Variants in NELL2 observed in about 807,000 individuals in gnomAD.
NELL2 encodes the protein neural EGFL like 2, also known as protein kinase C-binding protein NELL2.
A neutral mutation model predicts 109.6 loss-of-function variants in NELL2; 41 were observed. That is an observed-to-expected ratio of 0.37 (90% confidence interval 0.29 to 0.49). The LOEUF (loss-of-function observed/expected upper bound fraction) is 0.49, where lower values mean the gene tolerates loss of function less well. Among genes scored for constraint, NELL2 ranks in the 20% least tolerant of loss-of-function variants. NELL2 has a pLI of 0.98. For synonymous variants in NELL2, 355 were observed against 344.7 expected, an observed-to-expected ratio of 1.03 and a Z score of -0.33; for missense variants, 900 against 1,008.3, an observed-to-expected ratio of 0.89 and a Z score of 1.45.
At chr12:44,839,239 C>T (rs966063007) in intron 2 of NELL2, among the ~76,000 whole-genome samples, 3 of 151,820 alleles carry the variant, frequency 2.0e-5, no homozygotes, top group Non-Finnish European at 2.9e-5. Flanking sequence ...CCTTGGCAAC[C>T]GCAAAGAAAA....
At chr12:44,784,903 T>C (rs559917423) in intron 3 of NELL2, among the ~76,000 whole-genome samples, 98 of 152,290 alleles carry the variant, frequency 6.4e-4, no homozygotes, top group African/African-American at 2.3e-3. Flanking sequence ...GAACTATTTA[T>C]GACAAACCCA....
chr12:44,914,349 C>T (rs76261677), upstream of NELL2, among the ~76,000 whole-genome samples: 1,870 of 152,246 alleles, frequency 0.012, 33 homozygotes, highest in East Asian at 0.048. Flanking sequence ...AGCAGCCAGA[C>T]CTTTACAGTT....
At chr12:44,829,160 A>G (rs1943807802) in intron 2 of NELL2, among the ~76,000 whole-genome samples, 1 of 152,142 alleles carries the variant, frequency 6.6e-6, no homozygotes, top group African/African-American at 2.4e-5. Flanking sequence ...ATAAGATCAC[A>G]TATTCAAAAA....
At chr12:44,851,385 A>C (rs1229666449) in intron 2 of NELL2, among the ~76,000 whole-genome samples, 1 of 152,214 alleles carries the variant, frequency 6.6e-6, no homozygotes, top group Non-Finnish European at 1.5e-5. Flanking sequence ...TTCCTTTCAG[A>C]ATAATGAAAT....
chr12:44,812,047 T>C (rs760203248), intron 3 of NELL2, among the ~76,000 whole-genome samples: 2 of 152,130 alleles, frequency 1.3e-5, no homozygotes, highest in Non-Finnish European at 2.9e-5. Flanking sequence ...GTTCTTACTA[T>C]GGTGAACTAG....
chr12:44,541,250 CAAAAA>C (rs3071951), intron 15 of NELL2, among the ~76,000 whole-genome samples: 1 of 78,904 alleles, frequency 1.3e-5, no homozygotes, highest in Admixed American at 1.7e-4. Flanking sequence ...GACTCCATCT[CAAAAA>C]AAAAAAAAAA....
upstream of NELL2, among the ~76,000 whole-genome samples, chr12:44,877,893 AT>A (rs1945365724): frequency 6.6e-6 from 1 of 152,220 alleles, no homozygotes; most frequent in African/African-American, 2.4e-5. Flanking sequence ...CAAATAAATA[AT>A]ACAATTTAAT....
chr12:44,649,579 C>G (rs909885994), intron 13 of NELL2, among the ~76,000 whole-genome samples: 1 of 152,146 alleles, frequency 6.6e-6, no homozygotes, highest in Non-Finnish European at 1.5e-5. Flanking sequence ...ACAATTGCCC[C>G]ATCCTGAGAA....
chr12:44,656,913 G>A (rs1325953137), intron 13 of NELL2, among the ~76,000 whole-genome samples: 9 of 152,020 alleles, frequency 5.9e-5, no homozygotes, highest in Non-Finnish European at 1.2e-4. Context: ...CAAATTTTTG[G>A]GGAAGAAGAA....
chr12:44,711,559 T>C (rs893722321), intron 10 of NELL2, among the ~76,000 whole-genome samples, 165 bp from the exon 11 acceptor site: 1 of 152,086 alleles, frequency 6.6e-6, no homozygotes, highest in African/African-American at 2.4e-5. Flanking sequence ...TAAATCCCAA[T>C]TGGAAAGTCT....
intron 12 of NELL2, among the ~76,000 whole-genome samples, chr12:44,684,548 G>T (rs1056548832): frequency 2.0e-5 from 3 of 151,880 alleles, no homozygotes; most frequent in Non-Finnish European, 2.9e-5. Flanking sequence ...TTCTCTTGTG[G>T]GCAATTAGTG....
intron 12 of NELL2, among the ~76,000 whole-genome samples, chr12:44,686,762 G>C (rs1948731393): frequency 6.6e-6 from 1 of 152,238 alleles, no homozygotes; most frequent in South Asian, 2.1e-4. Context: ...TGAGGAGGCA[G>C]TCTGTCCGTT....
At chr12:44,874,380 C>G (rs1435927757) in intron 2 of NELL2, among the ~76,000 whole-genome samples, 1 of 152,132 alleles carries the variant, frequency 6.6e-6, no homozygotes, top group Non-Finnish European at 1.5e-5. Flanking sequence ...TGTCTGTACA[C>G]GTTTAGCTAC....
intron 9 of NELL2, among the ~76,000 whole-genome samples, chr12:44,762,648 T>C (rs1185562142): frequency 6.6e-6 from 1 of 152,196 alleles, no homozygotes; most frequent in Non-Finnish European, 1.5e-5. Context: ...TTTCACAACA[T>C]GACACCTCAC....
intron 2 of NELL2, among the ~76,000 whole-genome samples, chr12:44,816,813 AC>A (rs1229603242): frequency 2.0e-5 from 3 of 152,164 alleles, no homozygotes; most frequent in Non-Finnish European, 4.4e-5. Context: ...AGAGAGGCAA[AC>A]TTTTATCCTG....
At chr12:44,802,910 C>A (rs1217426321) in intron 3 of NELL2, among the ~76,000 whole-genome samples, 1 of 151,876 alleles carries the variant, frequency 6.6e-6, no homozygotes, top group Non-Finnish European at 1.5e-5. Flanking sequence ...TGATGAGGAT[C>A]AGGATATTGG....
At chr12:44,776,239 T>C in intron 7 of NELL2, 89 bp from the exon 8 acceptor site, 1 of 1,392,448 alleles carries the variant, frequency 7.2e-7, no homozygotes, top group South Asian at 1.4e-5. Flanking sequence ...TTTTTTAAAG[T>C]ATGTAGCAAT....
chr12:44,912,316 A>G (rs764508483), intron 1 of NELL2, among the ~76,000 whole-genome samples: 39 of 152,230 alleles, frequency 2.6e-4, no homozygotes, highest in Non-Finnish European at 5.4e-4. Context: ...TCCACAGACT[A>G]CTAGTTCTAT....
chr12:44,734,072 GC>G (rs1433013688), intron 9 of NELL2, among the ~76,000 whole-genome samples: 33 of 152,018 alleles, frequency 2.2e-4, no homozygotes, highest in African/African-American at 7.5e-4. Context: ...TATTTTGTGT[GC>G]TCATAGTCTA....
Sources: allele counts gnomAD v4.1 joint callset (sites outside exome capture counted in the v4.1 genomes callset), GRCh38; gene constraint gnomAD v4.1.1; transcripts MANE v1.5; gene names NCBI Gene and HGNC (gene_info 2026-07-23, HGNC 2026-07-21).